Variants in ADGRE5 observed in about 807,000 individuals in gnomAD.
The protein encoded by ADGRE5 is CD97 molecule.
Under a neutral mutation model 100.3 loss-of-function variants are expected in ADGRE5, and 72 were observed. The observed-to-expected ratio is 0.72, with a 90% CI of 0.59 to 0.87. The LOEUF (loss-of-function observed/expected upper bound fraction) is 0.87, where lower values mean the gene tolerates loss of function less well. Ranked by LOEUF, ADGRE5 falls within the 40% of genes least tolerant of loss-of-function variation. The pLI is 0.00. For missense variants in ADGRE5, 959 were observed against 1,094.7 expected, an observed-to-expected ratio of 0.88 and a Z score of 1.75; for synonymous variants, 439 against 447.8, an observed-to-expected ratio of 0.98 and a Z score of 0.25.
At position 14,406,725 on chromosome 19, in the gene ADGRE5, T is replaced by G. The variant is rs764745225; in HGVS notation, c.2074T>G (p.Phe692Val). 2.5e-6 allele frequency: 4 copies of G among 1,614,140 alleles called. 1 individual carries two copies. The South Asian group carries it at 4.4e-5, about 18-fold the overall frequency. ...CTGCTGGTTGGACTTTGAGCAGGGC[T>G]TCCTCTGGAGCTTCTTGGGACCTGT... ...RYCWLDFEQGFLWSFLGPVTF... is the reference protein window; with the variant it reads ...RYCWLDFEQGVLWSFLGPVTF... Residue 692 changes from phenylalanine to valine, a missense_variant, in exon 16 of 20, where the codon TTC becomes GTC. This residue lies in a region of ADGRE5 where 428 missense variants were observed against 386.2 expected (regional missense o/e 1.11). Transcript: ENST00000242786. The surrounding 1 kb of genome is among the most constrained non-coding windows in gnomAD (Gnocchi z 6.0).
intron 9 of ADGRE5, chr19:14,398,452 G>C (rs891282821): frequency 3.2e-6 from 1 of 314,328 alleles, no homozygotes; most frequent in Non-Finnish European, 6.1e-6. Context: ...GGCAGATCAC[G>C]CGGTCAGGAG....
chr19:14,404,407 G>T lies in ADGRE5; in HGVS notation c.1474G>T (p.Glu492Ter). ...AKDVMPGPRQELLCAFWKSDS... is the reference protein window; with the variant it reads ...AKDVMPGPRQ Reference sequence around the variant, plus strand: ...GGACGTGATGCCTGGGCCACGGCAGGAGCTGCTCTGTGCCTTCTGGAAGAG... The same window carrying T: ...GGACGTGATGCCTGGGCCACGGCAGTAGCTGCTCTGTGCCTTCTGGAAGAG... Residue 492 changes from glutamate (E) to a stop codon, truncating the protein, a stop_gained, in exon 13 of 20, where the codon GAG becomes TAG. Transcript: ENST00000242786. LOFTEE classifies it high-confidence loss of function. 1 of 1,610,978 alleles carries T rather than the reference G, an allele frequency of 6.2e-7. No individual in the cohort carries two copies.
chr19:14,394,440 A>T (rs1227421639), intron 4 of ADGRE5, among the ~76,000 whole-genome samples: 1 of 152,052 alleles, frequency 6.6e-6, no homozygotes, highest in Non-Finnish European at 1.5e-5. Context: ...GTCTCCAGGC[A>T]TCTCAGGGCC....
chr19:14,404,332 C>G (rs544819276), intron 12 of ADGRE5, 51 bp from the exon 13 acceptor site: 1 of 1,559,726 alleles, frequency 6.4e-7, no homozygotes, highest in African/African-American at 1.4e-5. Flanking sequence ...AGCCCAGGAC[C>G]TAAGAGTGAG....
chr19:14,405,608 A>G (rs1976192680), intron 13 of ADGRE5, 140 bp from the exon 14 acceptor site: 1 of 646,392 alleles, frequency 1.5e-6, no homozygotes, highest in African/African-American at 1.8e-5. Context: ...CCAGCTGGTA[A>G]GTGTGGCCAG....
At chr19:14,398,429 G>C (rs1161413022) in intron 9 of ADGRE5, 1 of 371,540 alleles carries the variant, frequency 2.7e-6, no homozygotes, top group Non-Finnish European at 5.0e-6. Flanking sequence ...CAGCACTTTG[G>C]AAGGCCGAGG....
In ADGRE5 at chr19:14,390,974, G is replaced by A. The variant is rs1975580557; in HGVS notation, c.241G>A (p.Asp81Asn). 1 of 1,614,218 alleles carries A rather than the reference G, an allele frequency of 6.2e-7. No individual in the cohort carries two copies. Among genetic ancestry groups the A allele is most frequent in the East Asian group, 2.2e-5 (1 of 44,884 alleles). The part of the protein sequence containing the change: ...PSKVSCGKFS[D>N]CWNTEGSYDC... ...GAAAGTGTCATGCGGAAAATTCTCGGACTGCTGGAACACAGAGGGGAGCTA... is the reference window on the plus strand; with the variant it reads ...GAAAGTGTCATGCGGAAAATTCTCGAACTGCTGGAACACAGAGGGGAGCTA... The change falls in exon 4 of 20, where the codon GAC becomes AAC. Residue 81 changes from aspartate to asparagine, a missense_variant. Asp to Asn is a conservative substitution (Grantham distance 23, BLOSUM62 1). Coordinates refer to ENST00000242786, the MANE Select transcript of ADGRE5 (RefSeq NM_078481.4).
chr19:14,382,518 G>A (rs1336746851), intron 1 of ADGRE5, among the ~76,000 whole-genome samples: 2 of 152,132 alleles, frequency 1.3e-5, no homozygotes, highest in African/African-American at 4.8e-5. Flanking sequence ...GGATGAGTGA[G>A]TTAGGACACA....
At position 14,391,107 on chromosome 19, in the gene ADGRE5, T is replaced by C. The variant is rs968159707; in HGVS notation, c.346+28T>C. ...AAGAACCACCCCACGTCCTCTGACT[T>C]TCCATCCATGAGGTTTGGGGTCACC... On this transcript the variant is annotated intron_variant, in intron 4 of 19. Coordinates refer to ENST00000242786, the MANE Select transcript of ADGRE5 (RefSeq NM_078481.4). 12 of 1,613,440 alleles carry C rather than the reference T, an allele frequency of 7.4e-6. No individual in the cohort carries two copies. The African/African-American group carries it at 1.1e-4, about 14-fold the overall frequency.
chr19:14,408,118 A>C lies in ADGRE5; in HGVS notation c.2505A>C (p.Ile835=). The change falls in exon 20 of 20, where the codon ATA becomes ATC. Residue 835 remains isoleucine (I), a synonymous_variant. Transcript: ENST00000242786. ...TRALRASESG[I] ...CCCTCAGGGCATCAGAGTCCGGCAT[A>C]TGAAGGCGCATGGTTCTGGACGGCC... The C allele has an allele frequency of 6.2e-7, 1 of 1,613,026 alleles. No homozygotes were observed. The highest frequency in any genetic ancestry group is 8.5e-7 in the Non-Finnish European group (1 of 1,179,964).
chr19:14,397,240 C>T lies in ADGRE5; in HGVS notation c.625+17C>T, dbSNP rs1284871246. 9 of 1,613,904 alleles carry T rather than the reference C, an allele frequency of 5.6e-6. No individual in the cohort carries two copies. The East Asian group carries it at 1.8e-4, about 32-fold the overall frequency. On this transcript the variant is annotated intron_variant, in intron 6 of 19. Transcript: ENST00000242786. ...TCTGTGAAGGTCGAGAGCTCAGATCCCACGTTTCTAGCGACCCACAAACAT... is the reference window on the plus strand; with the variant it reads ...TCTGTGAAGGTCGAGAGCTCAGATCTCACGTTTCTAGCGACCCACAAACAT...
chr19:14,381,796 C>T (rs767091071), intron 1 of ADGRE5, among the ~76,000 whole-genome samples: 6 of 152,146 alleles, frequency 3.9e-5, no homozygotes, highest in Non-Finnish European at 8.8e-5. Flanking sequence ...AAGCTTTCTA[C>T]TGGAGCCAGT....
chr19:14,395,224 C>T (rs1225207169), intron 4 of ADGRE5, among the ~76,000 whole-genome samples: 1 of 151,974 alleles, frequency 6.6e-6, no homozygotes, highest in East Asian at 1.9e-4. Flanking sequence ...TCGCTTGAAC[C>T]CGGGAGGCAG....
chr19:14,384,039 G>A (rs1215200480), intron 1 of ADGRE5, among the ~76,000 whole-genome samples: 1 of 152,088 alleles, frequency 6.6e-6, no homozygotes, highest in African/African-American at 2.4e-5. Context: ...GGGAGTTAGA[G>A]ATGAATCTGC....
intron 1 of ADGRE5, among the ~76,000 whole-genome samples, chr19:14,387,241 C>G (rs980261267): frequency 2.0e-5 from 3 of 151,956 alleles, no homozygotes; most frequent in Admixed American, 2.0e-4. Context: ...AGCCACTCCC[C>G]ACACACCCCA....
At chr19:14,396,533 C>T (rs62122583) in intron 5 of ADGRE5, 60 bp downstream of exon 5, 13 of 1,408,592 alleles carry the variant, frequency 9.2e-6, no homozygotes, top group East Asian at 4.9e-5. Flanking sequence ...AGCTGAGGCA[C>T]GTCCTCCAAA....
At chr19:14,384,874 CCTCT>C (rs1336795240) in intron 1 of ADGRE5, among the ~76,000 whole-genome samples, 3 of 151,454 alleles carry the variant, frequency 2.0e-5, no homozygotes, top group Admixed American at 1.3e-4. Context: ...TCTTCTTTCT[CCTCT>C]CTGTCTCCCT....
intron 9 of ADGRE5, among the ~76,000 whole-genome samples, chr19:14,399,563 CAAAAAAAAAAAAAA>C (rs764605166): frequency 1.9e-4 from 6 of 31,826 alleles, no homozygotes; most frequent in African/African-American, 2.9e-4. Context: ...GACTCCGTCT[CAAAAAAAAAAAAAA>C]AAAAAAAAAA....
At chr19:14,394,424 C>T (rs768769223) in intron 4 of ADGRE5, among the ~76,000 whole-genome samples, 4 of 152,110 alleles carry the variant, frequency 2.6e-5, no homozygotes, top group Non-Finnish European at 4.4e-5. Context: ...CACTCCTCAC[C>T]CCCCTGTCTC....
Sources: allele counts gnomAD v4.1 joint callset (sites outside exome capture counted in the v4.1 genomes callset), GRCh38; gene constraint gnomAD v4.1.1; regional missense constraint gnomAD v4.1.1; non-coding constraint Gnocchi (gnomAD v3.1); transcripts MANE v1.5; gene names NCBI Gene and HGNC (gene_info 2026-07-23, HGNC 2026-07-21).